PDZRN4: variants seen among roughly 807,000 people sequenced by gnomAD.
PDZRN4 encodes PDZ domain containing ring finger 4.
PDZRN4 carries 70 observed loss-of-function variants against 99.0 expected under a neutral mutation model. The ratio of observed to expected loss-of-function variants is 0.71; its 90% CI spans 0.58 to 0.86. PDZRN4 has a LOEUF of 0.86. Among genes scored for constraint, PDZRN4 ranks in the 40% least tolerant of loss-of-function variants. The probability of loss-of-function intolerance (pLI) is 0.00; values close to 1 mark genes in which losing one functional copy is unlikely to be tolerated. For synonymous variants in PDZRN4, 551 were observed against 501.6 expected, an observed-to-expected ratio of 1.10 and a Z score of -1.32; for missense variants, 1,474 against 1,331.2, an observed-to-expected ratio of 1.11 and a Z score of -1.67.
At chr12:41,556,336 G>A (rs180868240) in intron 7 of PDZRN4, among the ~76,000 whole-genome samples, 6 of 152,302 alleles carry the variant, frequency 3.9e-5, no homozygotes, top group East Asian at 3.9e-4. Flanking sequence ...GATGATTTCC[G>A]GGTTGTGCAA....
intron 7 of PDZRN4, among the ~76,000 whole-genome samples, chr12:41,562,894 A>G (rs915633919): frequency 6.6e-6 from 1 of 152,162 alleles, no homozygotes; most frequent in Non-Finnish European, 1.5e-5. Context: ...TTAAGAGATG[A>G]GTCTGAAGAT....
intron 5 of PDZRN4, among the ~76,000 whole-genome samples, chr12:41,548,832 G>A (rs1243290942): frequency 6.6e-6 from 1 of 152,006 alleles, no homozygotes; most frequent in Admixed American, 6.6e-5. Context: ...TACAACCAAT[G>A]TATGTAAAAA....
At chr12:41,254,575 A>G (rs1259682448) in intron 3 of PDZRN4, among the ~76,000 whole-genome samples, 1 of 152,252 alleles carries the variant, frequency 6.6e-6, no homozygotes, top group Non-Finnish European at 1.5e-5. Flanking sequence ...ACCCATGCTC[A>G]TTTATGTAAT....
intron 2 of PDZRN4, among the ~76,000 whole-genome samples, chr12:41,192,471 G>T (rs1950741504): frequency 6.6e-6 from 1 of 152,134 alleles, no homozygotes. Context: ...AAGAAGAAAA[G>T]GAAAGTACAT....
At chr12:41,376,120 G>A (rs1207803418) in intron 3 of PDZRN4, among the ~76,000 whole-genome samples, 1 of 152,086 alleles carries the variant, frequency 6.6e-6, no homozygotes, top group Non-Finnish European at 1.5e-5. Flanking sequence ...TTGTGTGTAT[G>A]TATGTCTGTG....
intron 3 of PDZRN4, among the ~76,000 whole-genome samples, chr12:41,244,809 C>T (rs958185027): frequency 1.3e-5 from 2 of 149,130 alleles, no homozygotes; most frequent in Admixed American, 6.8e-5. Context: ...CTCAGCCTCC[C>T]GAGTAGCTGG....
chr12:41,244,549 C>T lies in PDZRN4; in HGVS notation c.843+50361C>T, dbSNP rs377093387. Among the ~76,000 whole-genome samples, 129 of 152,280 alleles carry T rather than the reference C, an allele frequency of 8.5e-4. 2 individuals are homozygous for T. The Middle Eastern group carries it at 0.014, about 16-fold the overall frequency. On this transcript the variant is annotated intron_variant, in intron 3 of 9. Coordinates refer to ENST00000402685, the MANE Select transcript of PDZRN4 (RefSeq NM_001164595.2). ...CTACACCTCTCTCCTTTGCTTACTC[C>T]ACCCTTGCCAAACCAGAACACTTCC...
intron 3 of PDZRN4, among the ~76,000 whole-genome samples, chr12:41,311,295 TC>T (rs1951605208): frequency 1.3e-5 from 2 of 151,224 alleles, no homozygotes; most frequent in African/African-American, 4.9e-5. Context: ...GAAAAAAAAA[TC>T]CCCGTTAAAG....
At chr12:41,383,968 G>A (rs1428002881) in intron 3 of PDZRN4, among the ~76,000 whole-genome samples, 2 of 124,636 alleles carry the variant, frequency 1.6e-5, no homozygotes, top group South Asian at 2.9e-4. Flanking sequence ...TCACTATGGA[G>A]ATTTTTTTTT....
intron 3 of PDZRN4, among the ~76,000 whole-genome samples, chr12:41,424,218 C>T (rs540435398): frequency 2.6e-5 from 4 of 152,264 alleles, no homozygotes; most frequent in African/African-American, 9.6e-5. Context: ...AGTTAAAATG[C>T]AAACTTCCTC....
chr12:41,487,902 T>G (rs1306576788), intron 3 of PDZRN4, among the ~76,000 whole-genome samples: 1 of 152,216 alleles, frequency 6.6e-6, no homozygotes, highest in African/African-American at 2.4e-5. Context: ...AACATAGTAA[T>G]TGACTTTTAT....
At chr12:41,541,397 C>A (rs888609206) in intron 5 of PDZRN4, among the ~76,000 whole-genome samples, 6 of 152,150 alleles carry the variant, frequency 3.9e-5, no homozygotes, top group African/African-American at 1.4e-4. Flanking sequence ...CAATGATAAC[C>A]CTTACCACCA....
At chr12:41,344,509 A>G (rs1951838716) in intron 3 of PDZRN4, among the ~76,000 whole-genome samples, 1 of 151,662 alleles carries the variant, frequency 6.6e-6, no homozygotes. Flanking sequence ...TTCTTAAACT[A>G]TCTCTAGGAC....
chr12:41,327,253 C>T (rs1241378432), intron 3 of PDZRN4, among the ~76,000 whole-genome samples: 1 of 152,166 alleles, frequency 6.6e-6, no homozygotes, highest in Non-Finnish European at 1.5e-5. Context: ...TAGCTATTGG[C>T]AGAAAGCTTG....
chr12:41,494,914 G>A (rs1165288610), intron 3 of PDZRN4, among the ~76,000 whole-genome samples: 1 of 152,152 alleles, frequency 6.6e-6, no homozygotes, highest in African/African-American at 2.4e-5. Flanking sequence ...CTTTCAAACT[G>A]ATGTGAAATA....
chr12:41,492,413 G>A (rs562137724), intron 3 of PDZRN4, among the ~76,000 whole-genome samples: 3 of 152,268 alleles, frequency 2.0e-5, no homozygotes, highest in Admixed American at 2.0e-4. Flanking sequence ...TCTTATCATG[G>A]ATAGCATACC....
Position 41,563,641 on chromosome 12 carries a change from G to A in PDZRN4, c.1459G>A (p.Glu487Lys). 6.2e-7 allele frequency: 1 copy of A among 1,611,002 alleles called. No individual in the cohort carries two copies. The highest frequency in any genetic ancestry group is 1.1e-5 in the South Asian group (1 of 90,938). ...KRIVLLVARP[E>K]IQLDEGWLED... ...AATCGTGCTGCTTGTTGCAAGGCCA[G>A]AGATTCAGGTCAGAACAGAGATCAA... Residue 487 changes from glutamate (E) to lysine (K), a missense_variant, in exon 8 of 10, where the codon GAG (glutamate) becomes AAG (lysine). Transcript: ENST00000402685.
At chr12:41,436,238 G>A (rs1053628024) in intron 3 of PDZRN4, among the ~76,000 whole-genome samples, 1 of 152,144 alleles carries the variant, frequency 6.6e-6, no homozygotes, top group Non-Finnish European at 1.5e-5. Flanking sequence ...CATCCAGGCT[G>A]TTAGGTGAAA....
At chr12:41,469,212 G>A (rs1952962075) in intron 3 of PDZRN4, among the ~76,000 whole-genome samples, 5 of 152,044 alleles carry the variant, frequency 3.3e-5, no homozygotes, top group African/African-American at 1.2e-4. Context: ...TATTTTGCTT[G>A]AATAGCCGGC....
Sources: gnomAD v4.1 joint callset for allele counts (sites outside exome capture counted in the v4.1 genomes callset) on GRCh38, gnomAD v4.1.1 for gene constraint, MANE v1.5 for transcripts, NCBI Gene and HGNC (gene_info 2026-07-23, HGNC 2026-07-21) for gene names.